PAPSS2: variants seen among roughly 807,000 people sequenced by gnomAD.
PAPSS2 encodes the protein bifunctional 3'-phosphoadenosine 5'-phosphosulfate synthase 2.
A neutral mutation model predicts 66.5 loss-of-function variants in PAPSS2; 61 were observed. The ratio of observed to expected loss-of-function variants is 0.92; its 90% CI spans 0.75 to 1.14. The LOEUF is 1.14. Ranked by LOEUF, PAPSS2 falls within the 50% of genes most tolerant of loss-of-function variation. The pLI, the probability that PAPSS2 is intolerant of heterozygous loss-of-function variation, is 0.00. For synonymous variants in PAPSS2, 289 were observed against 287.5 expected, an observed-to-expected ratio of 1.01 and a Z score of -0.05; for missense variants, 708 against 789.6, an observed-to-expected ratio of 0.90 and a Z score of 1.24.
chr10:87,739,705 A>G (rs1456910603), intron 9 of PAPSS2, among the ~76,000 whole-genome samples: 2 of 152,202 alleles, frequency 1.3e-5, no homozygotes, highest in African/African-American at 4.8e-5. Context: ...TGACATTTGA[A>G]TTGCTGGTAC....
intron 4 of PAPSS2, among the ~76,000 whole-genome samples, chr10:87,714,480 T>C (rs1049189309): frequency 1.3e-5 from 2 of 152,188 alleles, no homozygotes; most frequent in African/African-American, 4.8e-5. Context: ...TCCTTATTCT[T>C]GTCTTCCTTT....
At chr10:87,729,349 TG>T (rs1419065140) in intron 9 of PAPSS2, among the ~76,000 whole-genome samples, 2 of 152,072 alleles carry the variant, frequency 1.3e-5, no homozygotes, top group African/African-American at 4.8e-5. Flanking sequence ...CACATTTTGG[TG>T]ATTCTTATGA....
chr10:87,704,171 A>G (rs138818050), intron 1 of PAPSS2: 52 of 386,638 alleles, frequency 1.3e-4, no homozygotes, highest in African/African-American at 1.1e-3. Flanking sequence ...TGACTGAACC[A>G]AAAGAGCCCA....
intron 9 of PAPSS2, among the ~76,000 whole-genome samples, chr10:87,737,900 ACT>A (rs1853820220): frequency 6.6e-6 from 1 of 152,012 alleles, no homozygotes; most frequent in Non-Finnish European, 1.5e-5. Context: ...CTACCATTGC[ACT>A]CTCTGTTTCT....
intron 1 of PAPSS2, chr10:87,704,148 G>A (rs1853353125): frequency 9.7e-6 from 4 of 413,310 alleles, no homozygotes; most frequent in South Asian, 7.1e-5. Flanking sequence ...GAAATAAATA[G>A]GAATAAAATA....
chr10:87,693,846 G>T (rs1853200383), intron 1 of PAPSS2, among the ~76,000 whole-genome samples: 1 of 152,168 alleles, frequency 6.6e-6, no homozygotes, highest in Non-Finnish European at 1.5e-5. Context: ...GACTGCTTTG[G>T]CTTTTTCTGT....
chr10:87,660,064 C>T (rs1852729488), intron 1 of PAPSS2, 56 bp downstream of exon 1: 1 of 1,567,318 alleles, frequency 6.4e-7, no homozygotes, highest in Non-Finnish European at 8.7e-7. Flanking sequence ...GCGCCGACCC[C>T]CAACCCCCAA....
chr10:87,733,707 C>T (rs1416898617), intron 9 of PAPSS2, among the ~76,000 whole-genome samples: 1 of 152,090 alleles, frequency 6.6e-6, no homozygotes, highest in Non-Finnish European at 1.5e-5. Flanking sequence ...AGTTAAAGCT[C>T]CCCGTGATTC....
chr10:87,717,268 T>C (rs1853543307), intron 7 of PAPSS2, among the ~76,000 whole-genome samples: 1 of 152,230 alleles, frequency 6.6e-6, no homozygotes, highest in Non-Finnish European at 1.5e-5. Flanking sequence ...TGAACAGAGC[T>C]GTGGCCAAAA....
chr10:87,714,921 T>A, intron 5 of PAPSS2, 58 bp downstream of exon 5: 1 of 1,413,228 alleles, frequency 7.1e-7, no homozygotes. Flanking sequence ...AGACAATCTA[T>A]GCCTCTTTAC....
In PAPSS2 at chr10:87,715,779, C is replaced by G. The variant is rs966311239; in HGVS notation, c.801C>G (p.Pro267=). 12 of 1,613,640 alleles carry G rather than the reference C, an allele frequency of 7.4e-6. No individual in the cohort carries two copies. Among genetic ancestry groups the G allele is most frequent in the African/African-American group, 2.7e-5 (2 of 74,898 alleles). ...TTTTGAGCGAAGGCTGGGCCACTCCCCTCAAAGGTTTCATGCGGGAGAAGG... is the reference window on the plus strand; with the variant it reads ...TTTTGAGCGAAGGCTGGGCCACTCCGCTCAAAGGTTTCATGCGGGAGAAGG... ...VQVLSEGWAT[P]LKGFMREKEY... Residue 267 remains proline, a synonymous_variant, in exon 7 of 13, where the codon CCC becomes CCG. Coordinates refer to ENST00000456849, the MANE Select transcript of PAPSS2 (RefSeq NM_001015880.2).
Position 87,745,824 on chromosome 10 carries a change from T to C in PAPSS2, c.1722-8T>C. 1 of 1,613,982 alleles carries C rather than the reference T, an allele frequency of 6.2e-7. No homozygotes were observed. The highest frequency in any genetic ancestry group is 1.3e-5 in the African/African-American group (1 of 75,036). ...TACACTGAGTTCTTTGTTGCCACCCTGTAACAGGCACAATGAGTTTGACTT... is the reference window on the plus strand; with the variant it reads ...TACACTGAGTTCTTTGTTGCCACCCCGTAACAGGCACAATGAGTTTGACTT... On this transcript the variant is annotated splice_polypyrimidine_tract_variant and splice_region_variant and intron_variant, in intron 12 of 12. Transcript: ENST00000456849.
chr10:87,688,194 T>C (rs1008274299), intron 1 of PAPSS2, among the ~76,000 whole-genome samples: 17 of 151,884 alleles, frequency 1.1e-4, no homozygotes, highest in African/African-American at 4.1e-4. Flanking sequence ...ATATATAATA[T>C]TCTAGTTAAA....
At chr10:87,684,048 A>T (rs533606008) in intron 1 of PAPSS2, among the ~76,000 whole-genome samples, 2 of 152,344 alleles carry the variant, frequency 1.3e-5, no homozygotes, top group South Asian at 4.1e-4. Flanking sequence ...GAGACGTGAC[A>T]TGTAGCCTGC....
At chr10:87,711,668 T>C (rs1433415897) in intron 2 of PAPSS2, among the ~76,000 whole-genome samples, 3 of 152,258 alleles carry the variant, frequency 2.0e-5, no homozygotes, top group Non-Finnish European at 2.9e-5. Context: ...CTAATGGTCC[T>C]CTGTCAAAGC....
At chr10:87,702,305 GTCT>G (rs762273806) in intron 1 of PAPSS2, among the ~76,000 whole-genome samples, 6 of 152,208 alleles carry the variant, frequency 3.9e-5, no homozygotes, top group Non-Finnish European at 5.9e-5. Flanking sequence ...TACATCCTGT[GTCT>G]TCTGGCTGTG....
At chr10:87,715,932 TTTAG>T in intron 7 of PAPSS2, 89 bp downstream of exon 7, 1 of 839,934 alleles carries the variant, frequency 1.2e-6, no homozygotes, top group Non-Finnish European at 2.1e-6. Context: ...GAAGTTAGTC[TTTAG>T]TTTGCAAATC....
chr10:87,689,987 C>T (rs555218749), intron 1 of PAPSS2, among the ~76,000 whole-genome samples: 4 of 152,238 alleles, frequency 2.6e-5, no homozygotes, highest in Admixed American at 2.0e-4. Context: ...TCCCATCCAT[C>T]GCTGGTAGGA....
intron 1 of PAPSS2, among the ~76,000 whole-genome samples, chr10:87,701,338 T>C: frequency 1.3e-5 from 1 of 77,060 alleles, no homozygotes; most frequent in Non-Finnish European, 2.6e-5. Context: ...CTTTCTTTCT[T>C]TCTTTCTTTC....
Sources: allele counts gnomAD v4.1 joint callset (sites outside exome capture counted in the v4.1 genomes callset), GRCh38; gene constraint gnomAD v4.1.1; transcripts MANE v1.5; gene names NCBI Gene and HGNC (gene_info 2026-07-23, HGNC 2026-07-21).